The following MAPK12 variants were observed in gnomAD, a reference collection of about 807,000 sequenced individuals.
The protein encoded by MAPK12 is mitogen-activated protein kinase 12.
Under a neutral mutation model 49.1 loss-of-function variants are expected in MAPK12, and 49 were observed. The observed-to-expected ratio is 1.00, with a 90% CI of 0.79 to 1.27. MAPK12 has a LOEUF of 1.27. Ranked by LOEUF, MAPK12 falls within the 50% of genes most tolerant of loss-of-function variation. The pLI is 0.00. For synonymous variants in MAPK12, 251 were observed against 209.7 expected (o/e 1.20, Z -1.70); for missense variants, 554 against 502.4 (o/e 1.10, Z -0.98).
intron 2 of MAPK12, among the ~76,000 whole-genome samples, chr22:50,259,337 G>A (rs1194436969): frequency 6.6e-6 from 1 of 152,104 alleles, no homozygotes; most frequent in Non-Finnish European, 1.5e-5. Flanking sequence ...GGGTCCTGTG[G>A]GCTAGGGGCC....
At chr22:50,256,837 C>T (rs1220332157) in intron 5 of MAPK12, 98 bp downstream of exon 5, 62 of 1,542,510 alleles carry the variant, frequency 4.0e-5, no homozygotes, top group Non-Finnish European at 5.1e-5. Flanking sequence ...GGGCGTGGCT[C>T]AGCACCCAGA....
chr22:50,254,545 G>A (rs889077529), intron 11 of MAPK12: 38 of 649,944 alleles, frequency 5.8e-5, no homozygotes, highest in Non-Finnish European at 7.3e-5. Context: ...CCGGCTACTC[G>A]GGAGGCTGAG....
intron 11 of MAPK12, chr22:50,253,715 AAG>A (rs1335778966): frequency 1.7e-6 from 1 of 574,344 alleles, no homozygotes; most frequent in Non-Finnish European, 3.1e-6. Flanking sequence ...GGTCTGTCCT[AAG>A]AGCTGAGGCC....
At chr22:50,254,568 T>C (rs1443646448) in intron 11 of MAPK12, 12 of 809,008 alleles carry the variant, frequency 1.5e-5, no homozygotes, top group African/African-American at 1.9e-5. Flanking sequence ...AGGAGAACGG[T>C]GTGTACCCGG....
Position 50,253,071 on chromosome 22 carries a change from C to T in MAPK12, c.*330G>A, listed in dbSNP as rs921263883. On this transcript the variant is annotated 3_prime_UTR_variant, in exon 12 of 12. Transcript: ENST00000215659. Reference sequence around the variant, plus strand: ...TGTCCTTCCTCTGCATGGCCCAGAGCAGGCAGGGCTCAGAGGCCAAGGCCT... The same window carrying T: ...TGTCCTTCCTCTGCATGGCCCAGAGTAGGCAGGGCTCAGAGGCCAAGGCCT... 4 of 406,284 alleles carry T rather than the reference C, an allele frequency of 9.8e-6. No individual in the cohort carries two copies. Among genetic ancestry groups the T allele is most frequent in the South Asian group, 4.3e-5 (2 of 46,666 alleles). 25.2% of individuals were successfully genotyped at this position (406,284 alleles called of 1,614,324 possible).
At chr22:50,253,538 C>T (rs988515075) in intron 11 of MAPK12, 58 bp from the exon 12 acceptor site, 13 of 873,964 alleles carry the variant, frequency 1.5e-5, no homozygotes, top group South Asian at 2.8e-5. Flanking sequence ...TGCCTTCCAT[C>T]CTGGGAGTCG....
chr22:50,257,392 T>C (rs901242969), intron 3 of MAPK12, among the ~76,000 whole-genome samples, 199 bp from the exon 4 acceptor site: 7 of 152,112 alleles, frequency 4.6e-5, no homozygotes, highest in African/African-American at 1.7e-4. Context: ...CTCCCGCAAC[T>C]GTTACTGCCA....
At position 50,261,479 on chromosome 22, in the gene MAPK12, A is replaced by G. The variant is rs867383439; in HGVS notation, c.31T>C (p.Phe11Leu). 2 of 1,268,668 alleles carry G rather than the reference A, an allele frequency of 1.6e-6. No homozygotes were observed. Among genetic ancestry groups the G allele is most frequent in the Non-Finnish European group, 2.0e-6 (2 of 983,446 alleles). The allele number at this position is 1,268,668 out of a possible 1,614,324, so 78.6% of individuals were successfully genotyped here. A position where few individuals can be genotyped will look rare whatever the true frequency, so the allele number is the denominator to read the frequency against. The change falls in exon 1 of 12, where the codon TTT becomes CTT. Residue 11 changes from phenylalanine (F) to leucine (L), a missense_variant. Coordinates refer to ENST00000215659, the MANE Select transcript of MAPK12 (RefSeq NM_002969.6). ...GTCTTGGTCACCTCCTGGCGGTAAAAGCCACTGCGGGCGGGCGGCGGAGAG... is the reference window on the plus strand; with the variant it reads ...GTCTTGGTCACCTCCTGGCGGTAAAGGCCACTGCGGGCGGGCGGCGGAGAG... The part of the protein sequence containing the change: MSSPPPARSG[F>L]YRQEVTKTAW...
rs2065114221 is a variant in MAPK12, at chr22:50,253,018, C to G, written c.*383G>C. 2 of 316,722 alleles carry G rather than the reference C, an allele frequency of 6.3e-6. No individual in the cohort carries two copies. Among genetic ancestry groups the G allele is most frequent in the Admixed American group, 4.6e-5 (1 of 21,794 alleles). 19.6% of individuals were successfully genotyped at this position (316,722 alleles called of 1,614,324 possible). ...GACGTCGCCCAGGAGAGGGGATGTC[C>G]CTGAGTTGGTGCCCTGCGCCCACCC... On this transcript the variant is annotated 3_prime_UTR_variant, in exon 12 of 12. Transcript: ENST00000215659.
chr22:50,256,451 C>G (rs950092442), intron 6 of MAPK12, 148 bp downstream of exon 6: 2 of 1,071,434 alleles, frequency 1.9e-6, no homozygotes, highest in Non-Finnish European at 2.7e-6. Context: ...GTACCACTGC[C>G]TCTTGGGCTC....
rs73435298 is a variant in MAPK12, at chr22:50,258,086, C to T, written c.314+157G>A. ...GGTCCCAGGACCATGTGGGGGAGGG[C>T]GTGGGGTGGACAGTGGTATGGGGAG... is the stretch of plus-strand genomic sequence containing the variant. On this transcript the variant is annotated intron_variant, in intron 3 of 11. Transcript: ENST00000215659. 8.7e-4 allele frequency: 486 copies of T among 558,118 alleles called. 2 individuals carry two copies. The highest frequency in any genetic ancestry group is 8.4e-3 in the African/African-American group (419 of 50,130). 34.6% of individuals were successfully genotyped at this position (558,118 alleles called of 1,614,324 possible). A position where few individuals can be genotyped will look rare whatever the true frequency, so the allele number is the denominator to read the frequency against.
rs368260337 is a variant in MAPK12 at position 50,261,156 on chromosome 22, G to T, written c.255+11C>A. 10 of 1,575,484 alleles carry T rather than the reference G, an allele frequency of 6.3e-6. No homozygotes were observed. Among genetic ancestry groups the T allele is most frequent in the Non-Finnish European group, 8.6e-6 (10 of 1,160,662 alleles). On this transcript the variant is annotated intron_variant, in intron 2 of 11. Coordinates refer to ENST00000215659, the MANE Select transcript of MAPK12 (RefSeq NM_002969.6). ...CGCGGCGCCTTCCCGGAGCGGGGCC[G>T]CGCGACTCACGTTCTCGTGGCGCAT...
At position 50,261,490 on chromosome 22, in the gene MAPK12, G is replaced by C; in HGVS notation, c.20C>G (p.Ala7Gly). The change falls in exon 1 of 12, where the codon GCC becomes GGC. Residue 7 changes from alanine to glycine, a missense_variant. Physicochemically the swap from Ala to Gly is moderately conservative, Grantham distance 60 (BLOSUM62 0). Coordinates refer to ENST00000215659, the MANE Select transcript of MAPK12 (RefSeq NM_002969.6). ...CTCCTGGCGGTAAAAGCCACTGCGGGCGGGCGGCGGAGAGCTCATGGCAGG... is the reference window on the plus strand; with the variant it reads ...CTCCTGGCGGTAAAAGCCACTGCGGCCGGGCGGCGGAGAGCTCATGGCAGG... MSSPPP[A>G]RSGFYRQEVT... 1 of 1,254,790 alleles carries C rather than the reference G, an allele frequency of 8.0e-7. No homozygotes were observed. 77.7% of individuals were successfully genotyped at this position (1,254,790 alleles called of 1,614,324 possible).
At chr22:50,255,986 A>G (rs1487316403) in intron 7 of MAPK12, 99 bp downstream of exon 7, 1 of 1,499,190 alleles carries the variant, frequency 6.7e-7, no homozygotes, top group African/African-American at 1.4e-5. Context: ...CCCCAGCTCA[A>G]CAGCCTCCCT....
At chr22:50,253,905 A>G (rs1001367191) in intron 11 of MAPK12, 21 of 201,116 alleles carry the variant, frequency 1.0e-4, no homozygotes, top group Middle Eastern at 4.1e-3. Flanking sequence ...CGTGGTCGTA[A>G]GGAGCACATG....
rs1227593089 is a variant in MAPK12, at chr22:50,255,661, G to A, written c.725C>T (p.Thr242Met). 21 of 1,384,070 alleles carry A rather than the reference G, an allele frequency of 1.5e-5. No homozygotes were observed. In the East Asian group the frequency reaches 1.6e-4, roughly 11 times the overall value. 85.7% of individuals were successfully genotyped at this position (1,384,070 alleles called of 1,614,324 possible). ...CACAAACTCAGCCGGAGGCGTCCCC[G>A]TCACCTTCATGATCTCCTTCAGCTG... The part of the protein sequence containing the change: ...LDQLKEIMKV[T>M]GTPPAEFVQR... The change falls in exon 9 of 12, where the codon ACG becomes ATG. Residue 242 changes from threonine to methionine, a missense_variant. Coordinates refer to ENST00000215659, the MANE Select transcript of MAPK12 (RefSeq NM_002969.6).
chr22:50,261,467 C>T lies in MAPK12; in HGVS notation c.43G>A (p.Glu15Lys). 7.8e-7 allele frequency: 1 copy of T among 1,282,016 alleles called. No individual in the cohort carries two copies. Among genetic ancestry groups the T allele is most frequent in the Non-Finnish European group, 1.0e-6 (1 of 990,944 alleles). 79.4% of individuals were successfully genotyped at this position (1,282,016 alleles called of 1,614,324 possible). Residue 15 changes from glutamate to lysine, a missense_variant, in exon 1 of 12, where the codon GAG becomes AAG. By Grantham distance (56) the Glu-to-Lys change is moderately conservative. Coordinates refer to ENST00000215659, the MANE Select transcript of MAPK12 (RefSeq NM_002969.6). ...ACCTCCCAGGCCGTCTTGGTCACCT[C>T]CTGGCGGTAAAAGCCACTGCGGGCG... ...PPARSGFYRQ[E>K]VTKTAWEVRA...
In MAPK12 at chr22:50,261,260, G is replaced by A. The variant is rs1174533301; in HGVS notation, c.162C>T (p.Ala54=). Residue 54 remains alanine, a synonymous_variant, in exon 2 of 12, where the codon GCC becomes GCT. Transcript: ENST00000215659. The part of the protein sequence containing the change: ...AVDGRTGAKV[A]IKKLYRPFQS... ...GGAAAGGCCGATACAGCTTCTTGAT[G>A]GCCACCTTAGCGCCGGTGCGGCCGT... The A allele has an allele frequency of 3.2e-6, 5 of 1,562,350 alleles. No individual in the cohort carries two copies. Among genetic ancestry groups the A allele is most frequent in the Non-Finnish European group, 4.3e-6 (5 of 1,155,912 alleles).
chr22:50,253,502 G>GGGGGGGGGGCCCCCCCCCCCCCCCCCCC, intron 11 of MAPK12, 22 bp from the exon 12 acceptor site: 1 of 171,678 alleles, frequency 5.8e-6, no homozygotes, highest in Non-Finnish European at 1.1e-5. Flanking sequence ...GGGGGGGCGG[G>GGGGGGGGGGCCCCCCCCCCCCCCCCCCC]CACAACAGAG....
Sources: gnomAD v4.1 joint callset for allele counts (sites outside exome capture counted in the v4.1 genomes callset) on GRCh38, gnomAD v4.1.1 for gene constraint, MANE v1.5 for transcripts, NCBI Gene and HGNC (gene_info 2026-07-23, HGNC 2026-07-21) for gene names.